The following ANAPC1 variants were observed in gnomAD, a reference collection of about 807,000 sequenced individuals.
The protein encoded by ANAPC1 is anaphase-promoting complex subunit 1.
In ANAPC1, 36 loss-of-function variants were observed where a neutral mutation model predicts 208.0. That is an observed-to-expected ratio of 0.17 (90% CI 0.13 to 0.23). The LOEUF is 0.23. ANAPC1 is among the 10% of genes least tolerant of loss of function. The pLI, the probability that ANAPC1 is intolerant of heterozygous loss-of-function variation, is 1.00. For synonymous variants in ANAPC1, 378 were observed against 695.2 expected (o/e 0.54, Z 7.18); for missense variants, 942 against 2,011.6 (o/e 0.47, Z 10.17).
chr2:111,877,691 G>C (rs182256337), intron 3 of ANAPC1, among the ~76,000 whole-genome samples: 3,297 of 152,178 alleles, frequency 0.022, 111 homozygotes, highest in African/African-American at 0.074. Flanking sequence ...GGGTGAGGCG[G>C]GAGAATGGCA....
At chr2:111,864,014 T>C (rs1416296498) in intron 8 of ANAPC1, 119 bp from the exon 9 acceptor site, 14 of 1,217,256 alleles carry the variant, frequency 1.2e-5, no homozygotes, top group African/African-American at 3.1e-5. Context: ...ATTTCTTCTT[T>C]CCTAAGAAGC....
rs528718391 is a variant in ANAPC1 at position 111,825,014 on chromosome 2, A to T, written c.2764T>A (p.Ser922Thr). 1.2e-4 allele frequency: 195 copies of T among 1,613,854 alleles called. No individual in the cohort carries two copies. The highest frequency in any genetic ancestry group is 1.6e-4 in the Non-Finnish European group (191 of 1,179,876). ...ENRFSFRHST[S>T]VSSLAERLVV... ...AATCTTTCAGCTAGACTAGAAACAG[A>T]TGTAGAATGCCTGAAACTAAACCTA... Residue 922 changes from serine to threonine, a missense_variant, in exon 24 of 48, where the codon TCT becomes ACT. Physicochemically the swap from Ser to Thr is moderately conservative, Grantham distance 58. Transcript: ENST00000341068.
At chr2:111,835,709 C>T (rs1221284963) in intron 18 of ANAPC1, among the ~76,000 whole-genome samples, 1 of 151,986 alleles carries the variant, frequency 6.6e-6, no homozygotes, top group Non-Finnish European at 1.5e-5. Context: ...GGTGTGGTGG[C>T]GGGCGCCTGT....
chr2:111,791,804 A>G (rs922495109), intron 38 of ANAPC1, among the ~76,000 whole-genome samples: 7 of 151,544 alleles, frequency 4.6e-5, no homozygotes. Context: ...CTGTGAGTTG[A>G]AAGTGCTATA....
At chr2:111,828,831 T>A (rs1450366785) in intron 21 of ANAPC1, among the ~76,000 whole-genome samples, 1 of 152,120 alleles carries the variant, frequency 6.6e-6, no homozygotes, top group East Asian at 1.9e-4. Context: ...AGAGTTTATG[T>A]TGGGGATGAT....
chr2:111,793,553 T>G (rs1245270273), intron 37 of ANAPC1, among the ~76,000 whole-genome samples: 1 of 150,726 alleles, frequency 6.6e-6, no homozygotes, highest in Non-Finnish European at 1.5e-5. Flanking sequence ...AACGTGATTT[T>G]GGTAGCTCCA....
At chr2:111,883,668 G>C (rs952873297) in intron 1 of ANAPC1, among the ~76,000 whole-genome samples, 1 of 152,180 alleles carries the variant, frequency 6.6e-6, no homozygotes, top group Non-Finnish European at 1.5e-5. Context: ...AGAGGGGCTG[G>C]AGGCCAGTCT....
intron 42 of ANAPC1, among the ~76,000 whole-genome samples, chr2:111,782,788 T>A (rs140761663): frequency 0.021 from 3,242 of 152,278 alleles, 77 homozygotes; most frequent in African/African-American, 0.073. Context: ...TTGTCTAACA[T>A]TTCTTTGTAT....
At chr2:111,775,512 G>T (rs1414409817) in intron 46 of ANAPC1, among the ~76,000 whole-genome samples, 27 of 152,208 alleles carry the variant, frequency 1.8e-4, no homozygotes, top group Non-Finnish European at 3.4e-4. Context: ...ATATTTAAGA[G>T]GTTTTGTTTT....
intron 38 of ANAPC1, among the ~76,000 whole-genome samples, chr2:111,789,893 AAAAAATTTTC>A (rs1677784006): frequency 6.6e-6 from 1 of 151,702 alleles, no homozygotes; most frequent in Admixed American, 6.6e-5. Context: ...TTTTGAAAGG[AAAAAATTTTC>A]AAAAATCATA....
At position 111,867,301 on chromosome 2, in the gene ANAPC1, G is replaced by GA. The variant is rs1030580837; in HGVS notation, c.685+721dup. ...GCAAAACTCTGTCTTAAAAAAGAAA[G>GA]AAAAAAAAAAACCATTCTTAGCTCA... On this transcript the variant is annotated intron_variant, in intron 7 of 47. Transcript: ENST00000341068. Among the ~76,000 whole-genome samples, 97 of 141,658 alleles carry GA rather than the reference G, an allele frequency of 6.8e-4. 1 individual carries two copies. The Middle Eastern group carries it at 0.011, about 15-fold the overall frequency. The allele number at this position is 141,658 out of a possible 152,430, so 92.9% of individuals were successfully genotyped here.
At chr2:111,798,427 T>C (rs896401403) in intron 34 of ANAPC1, among the ~76,000 whole-genome samples, 3 of 152,054 alleles carry the variant, frequency 2.0e-5, no homozygotes, top group Middle Eastern at 3.4e-3. Flanking sequence ...AATTAAAAAC[T>C]TGGGTGCTGA....
At chr2:111,863,030 A>G (rs1254011567) in intron 9 of ANAPC1, among the ~76,000 whole-genome samples, 1 of 152,068 alleles carries the variant, frequency 6.6e-6, no homozygotes, top group Non-Finnish European at 1.5e-5. Context: ...AGTAAAAAAA[A>G]AAGAAAAACT....
At chr2:111,858,855 C>A (rs2104547444) in intron 10 of ANAPC1, among the ~76,000 whole-genome samples, 1 of 150,922 alleles carries the variant, frequency 6.6e-6, no homozygotes, top group South Asian at 2.1e-4. Context: ...AAGACACAAA[C>A]ATTTCTAAGA....
chr2:111,833,390 A>AC, intron 19 of ANAPC1, 79 bp from the exon 20 acceptor site: 1 of 1,411,910 alleles, frequency 7.1e-7, no homozygotes, highest in African/African-American at 1.4e-5. Flanking sequence ...GATTAGTTGA[A>AC]TCTTTTAATT....
chr2:111,810,352 G>A (rs1389253653), intron 28 of ANAPC1, among the ~76,000 whole-genome samples: 1 of 151,972 alleles, frequency 6.6e-6, no homozygotes, highest in East Asian at 1.9e-4. Context: ...TGGGTACAAG[G>A]TTCCTTTATG....
intron 21 of ANAPC1, among the ~76,000 whole-genome samples, chr2:111,827,933 T>A (rs1431390278): frequency 6.6e-6 from 1 of 152,108 alleles, no homozygotes; most frequent in Non-Finnish European, 1.5e-5. Flanking sequence ...ACGAAGAGGA[T>A]AAAACTAAGA....
intron 14 of ANAPC1, among the ~76,000 whole-genome samples, chr2:111,849,729 T>A (rs987049928): frequency 1.3e-5 from 2 of 151,676 alleles, no homozygotes; most frequent in African/African-American, 4.8e-5. Context: ...TCCACACATA[T>A]ACTGCCCTAG....
At chr2:111,791,045 TAA>T (rs1677847148) in intron 38 of ANAPC1, among the ~76,000 whole-genome samples, 1 of 152,258 alleles carries the variant, frequency 6.6e-6, no homozygotes. Context: ...TAAAAATTGA[TAA>T]GTTTTATGTT....
Sources: gnomAD v4.1 joint callset for allele counts (sites outside exome capture counted in the v4.1 genomes callset) on GRCh38, gnomAD v4.1.1 for gene constraint, MANE v1.5 for transcripts, NCBI Gene and HGNC (gene_info 2026-07-23, HGNC 2026-07-21) for gene names.